The following NAA11 variants were observed in gnomAD, a reference collection of about 807,000 sequenced individuals.
NAA11 encodes the protein N-alpha-acetyltransferase 11, NatA catalytic subunit, also known as N-alpha-acetyltransferase 11.
NAA11 carries 15 observed loss-of-function variants against 16.1 expected under a neutral mutation model. The ratio of observed to expected loss-of-function variants is 0.93; its 90% CI spans 0.62 to 1.44. The LOEUF is 1.44. Among genes scored for constraint, NAA11 ranks in the 40% most tolerant of loss-of-function variants. The probability of loss-of-function intolerance (pLI) is 0.00; values close to 1 mark genes in which losing one functional copy is unlikely to be tolerated. For synonymous variants in NAA11, 122 were observed against 112.4 expected, an observed-to-expected ratio of 1.09 and a Z score of -0.54; for missense variants, 298 against 291.3, an observed-to-expected ratio of 1.02 and a Z score of -0.17.
At chr4:79,197,409 A>G in the NAA11 span, 9 of 151,938 alleles carry the variant, frequency 5.9e-5, no homozygotes, top group South Asian at 4.1e-4. Context: ...CCCTGCATCT[A>G]TCTTCTTACC....
intron 2 of NAA11, among the ~76,000 whole-genome samples, chr4:79,283,769 G>A (rs1722847550): frequency 6.6e-6 from 1 of 152,048 alleles, no homozygotes; most frequent in Admixed American, 6.6e-5. Context: ...GGGAAGGAGA[G>A]ATATAATTTT....
chr4:79,237,705 C>A (rs1182814155), intron 2 of NAA11, among the ~76,000 whole-genome samples: 1 of 152,118 alleles, frequency 6.6e-6, no homozygotes, highest in East Asian at 1.9e-4. Flanking sequence ...AGTGCAGAAA[C>A]TTAGGTCTAA....
intron 1 of NAA11, chr4:79,299,415 C>T (rs1483853153): frequency 3.3e-5 from 5 of 152,130 alleles, no homozygotes; most frequent in Admixed American, 6.5e-5. Flanking sequence ...GGCTATCAGG[C>T]TATCTTCTCA....
chr4:79,188,367 C>T, the NAA11 span, among the ~76,000 whole-genome samples: 2 of 151,894 alleles, frequency 1.3e-5, no homozygotes, highest in East Asian at 3.9e-4. Flanking sequence ...GGGTGGATCA[C>T]GAGGTCGGGA....
chr4:79,204,058 A>G, the NAA11 span, among the ~76,000 whole-genome samples: 1 of 151,896 alleles, frequency 6.6e-6, no homozygotes, highest in African/African-American at 2.4e-5. Flanking sequence ...GCTACTGAGT[A>G]TGTAAATTGA....
chr4:79,178,562 G>A, the NAA11 span, among the ~76,000 whole-genome samples: 558 of 152,284 alleles, frequency 3.7e-3, 10 homozygotes, highest in East Asian at 0.041. Flanking sequence ...GGCTTACTAT[G>A]TGCTTTATGT....
At chr4:79,180,615 C>A in the NAA11 span, among the ~76,000 whole-genome samples, 1 of 152,172 alleles carries the variant, frequency 6.6e-6, no homozygotes, top group Admixed American at 6.6e-5. Context: ...AATAGGAACA[C>A]TTTTACACTG....
At chr4:79,309,492 T>G (rs1723696729) in intron 1 of NAA11, among the ~76,000 whole-genome samples, 2 of 152,314 alleles carry the variant, frequency 1.3e-5, no homozygotes, top group South Asian at 4.1e-4. Flanking sequence ...AAAACACATC[T>G]TGATTAAGAG....
the NAA11 span, among the ~76,000 whole-genome samples, chr4:79,177,580 G>A: frequency 2.0e-5 from 3 of 152,228 alleles, no homozygotes; most frequent in Admixed American, 6.5e-5. Context: ...TATGAATAGT[G>A]TGAAAATGAG....
At chr4:79,265,059 T>C (rs561517151) in intron 2 of NAA11, among the ~76,000 whole-genome samples, 1 of 152,334 alleles carries the variant, frequency 6.6e-6, no homozygotes, top group East Asian at 1.9e-4. Context: ...CTTTTACAAT[T>C]TTCCCTATCT....
chr4:79,196,955 C>A, the NAA11 span, among the ~76,000 whole-genome samples: 52 of 86,182 alleles, frequency 6.0e-4, no homozygotes, highest in East Asian at 1.4e-3. Context: ...ATGAAAAAGA[C>A]AAAAAAAAAA....
At chr4:79,170,744 C>T in the NAA11 span, among the ~76,000 whole-genome samples, 1 of 152,120 alleles carries the variant, frequency 6.6e-6, no homozygotes, top group Non-Finnish European at 1.5e-5. Context: ...GGCTTTCTCT[C>T]CTTTTCCTCT....
intron 2 of NAA11, among the ~76,000 whole-genome samples, chr4:79,279,459 T>C (rs762714638): frequency 2.0e-5 from 3 of 152,042 alleles, no homozygotes; most frequent in Non-Finnish European, 4.4e-5. Context: ...TCAGGCAACA[T>C]AGCATAAAGA....
the NAA11 span, among the ~76,000 whole-genome samples, chr4:79,157,182 G>A: frequency 6.6e-6 from 1 of 151,994 alleles, no homozygotes; most frequent in South Asian, 2.1e-4. Flanking sequence ...GGTGATTTGT[G>A]AGATTTTGTT....
the NAA11 span, among the ~76,000 whole-genome samples, chr4:79,175,672 C>T: frequency 6.7e-6 from 1 of 150,044 alleles, no homozygotes; most frequent in African/African-American, 2.5e-5. Flanking sequence ...GACATGGAGA[C>T]CTTGAAGCCG....
chr4:79,306,424 T>A (rs984997197), intron 1 of NAA11, among the ~76,000 whole-genome samples: 2 of 152,194 alleles, frequency 1.3e-5, no homozygotes, highest in African/African-American at 4.8e-5. Context: ...TCTCTAGGTG[T>A]CATCTGTGTC....
chr4:79,203,820 C>T, the NAA11 span, among the ~76,000 whole-genome samples: 9,924 of 151,506 alleles, frequency 0.066, 435 homozygotes, highest in Non-Finnish European at 0.091. Context: ...TCACATATTT[C>T]AATGACAAAA....
At chr4:79,239,604 G>A (rs1334749167) in intron 2 of NAA11, among the ~76,000 whole-genome samples, 3 of 152,120 alleles carry the variant, frequency 2.0e-5, no homozygotes, top group African/African-American at 7.2e-5. Flanking sequence ...GGAAGCTAAG[G>A]GATGAGAATC....
chr4:79,265,467 C>A (rs1424285310), intron 2 of NAA11, among the ~76,000 whole-genome samples: 2 of 152,180 alleles, frequency 1.3e-5, no homozygotes, highest in Non-Finnish European at 2.9e-5. Context: ...CTGGCTCAAC[C>A]TGATCTGGCC....
Sources: gnomAD v4.1 joint callset for allele counts (sites outside exome capture counted in the v4.1 genomes callset) on GRCh38, gnomAD v4.1.1 for gene constraint, MANE v1.5 for transcripts, NCBI Gene and HGNC (gene_info 2026-07-23, HGNC 2026-07-21) for gene names.